PRIM2: variants seen among roughly 807,000 people sequenced by gnomAD.
PRIM2 encodes DNA primase subunit 2.
Under a neutral mutation model 67.3 loss-of-function variants are expected in PRIM2, and 39 were observed. That is an observed-to-expected ratio of 0.58 (90% CI 0.45 to 0.76). The LOEUF (loss-of-function observed/expected upper bound fraction) is 0.76, where lower values mean the gene tolerates loss of function less well. PRIM2 is among the 30% of genes least tolerant of loss of function. The probability of loss-of-function intolerance (pLI) is 0.00; values close to 1 mark genes in which losing one functional copy is unlikely to be tolerated. For missense variants in PRIM2, 398 were observed against 598.7 expected (o/e 0.66, Z 3.50); for synonymous variants, 143 against 198.7 (o/e 0.72, Z 2.36).
At chr6:57,462,354 G>T (rs910482897) in intron 7 of PRIM2, among the ~76,000 whole-genome samples, 2 of 149,854 alleles carry the variant, frequency 1.3e-5, no homozygotes, top group African/African-American at 5.1e-5. Context: ...TTTGAATATG[G>T]TTTTGGATTT....
intron 8 of PRIM2, among the ~76,000 whole-genome samples, chr6:57,517,089 C>T (rs1162651757): frequency 2.0e-5 from 3 of 152,128 alleles, no homozygotes; most frequent in Admixed American, 6.6e-5. Flanking sequence ...TGTATGTATG[C>T]AGTAAGTCAG....
At chr6:57,562,019 G>A (rs1775642435) in intron 10 of PRIM2, among the ~76,000 whole-genome samples, 1 of 152,078 alleles carries the variant, frequency 6.6e-6, no homozygotes, top group South Asian at 2.1e-4. Context: ...TGAGGAGAGG[G>A]AGAGAGACAG....
chr6:57,592,899 T>A (rs1776305989), intron 10 of PRIM2, among the ~76,000 whole-genome samples: 1 of 152,190 alleles, frequency 6.6e-6, no homozygotes, highest in African/African-American at 2.4e-5. Context: ...AGCAAAGAGA[T>A]GTTTATACCA....
intron 10 of PRIM2, among the ~76,000 whole-genome samples, chr6:57,570,259 G>A (rs1775836889): frequency 6.6e-6 from 1 of 152,154 alleles, no homozygotes; most frequent in Non-Finnish European, 1.5e-5. Flanking sequence ...TCTCTTTATT[G>A]TGCTGTTTTA....
At chr6:57,363,122 G>A (rs987178341) in intron 5 of PRIM2, among the ~76,000 whole-genome samples, 23 of 152,088 alleles carry the variant, frequency 1.5e-4, no homozygotes, top group African/African-American at 5.5e-4. Flanking sequence ...CTACATTTGG[G>A]TAAAAGTGAA....
At chr6:57,635,293 AT>A (rs1343411144) in intron 13 of PRIM2, among the ~76,000 whole-genome samples, 2 of 152,184 alleles carry the variant, frequency 1.3e-5, no homozygotes, top group Non-Finnish European at 2.9e-5. Flanking sequence ...TGGCAGAAAT[AT>A]GAGACCCATG....
the PRIM2 span, among the ~76,000 whole-genome samples, chr6:57,290,021 G>C: frequency 2.4e-3 from 359 of 151,562 alleles, 1 homozygote; most frequent in African/African-American, 7.2e-3. Flanking sequence ...AAACTAAATT[G>C]TCAAGACCCA....
the PRIM2 span, among the ~76,000 whole-genome samples, chr6:57,254,760 A>G: frequency 6.6e-6 from 1 of 152,202 alleles, no homozygotes; most frequent in Non-Finnish European, 1.5e-5. Context: ...ATGATTTAGC[A>G]GGAGACAAGA....
intron 5 of PRIM2, among the ~76,000 whole-genome samples, chr6:57,361,195 T>C (rs1423555317): frequency 6.6e-6 from 1 of 152,180 alleles, no homozygotes; most frequent in Admixed American, 6.5e-5. Flanking sequence ...TGCAGAAGAA[T>C]GGCCCTTTGG....
chr6:57,417,999 A>G (rs1771326711), intron 7 of PRIM2, among the ~76,000 whole-genome samples: 1 of 152,228 alleles, frequency 6.6e-6, no homozygotes, highest in Non-Finnish European at 1.5e-5. Context: ...TTATTTTAAC[A>G]GGAATATATC....
In PRIM2 at chr6:57,366,486, G is replaced by T. The variant is rs1055769112; in HGVS notation, c.460-13415G>T. ...TGTGTGAGGGTAGGGGTGATGCGTT[G>T]CTTGTGAATTGTGCTGTGATCGTGG... On this transcript the variant is annotated intron_variant, in intron 5 of 13. Coordinates refer to ENST00000615550, the MANE Select transcript of PRIM2 (RefSeq NM_000947.5). 2.0e-5 allele frequency among the ~76,000 whole-genome samples: 3 copies of T among 152,104 alleles called. No individual in the cohort carries two copies. In the South Asian group the frequency reaches 6.2e-4, roughly 32 times the overall value.
intron 7 of PRIM2, among the ~76,000 whole-genome samples, chr6:57,424,149 A>G (rs1771549436): frequency 6.6e-6 from 1 of 152,200 alleles, no homozygotes. Flanking sequence ...TAATTTAAAC[A>G]TCAGGCACTC....
At chr6:57,519,415 A>T (rs1774562928) in intron 8 of PRIM2, among the ~76,000 whole-genome samples, 1 of 152,236 alleles carries the variant, frequency 6.6e-6, no homozygotes, top group Non-Finnish European at 1.5e-5. Context: ...GGGGCCGTTC[A>T]TAGGCCTACC....
At chr6:57,540,707 T>C (rs1775130414) in intron 10 of PRIM2, among the ~76,000 whole-genome samples, 1 of 152,200 alleles carries the variant, frequency 6.6e-6, no homozygotes, top group African/African-American at 2.4e-5. Flanking sequence ...CACACAAATG[T>C]ACAGACCATA....
the PRIM2 span, among the ~76,000 whole-genome samples, chr6:57,237,290 A>T: frequency 6.6e-6 from 1 of 152,000 alleles, no homozygotes; most frequent in African/African-American, 2.4e-5. Context: ...AATTTGTTTG[A>T]GTTCATTGTA....
chr6:57,418,383 G>GGTTTTTTTTTTTTTTTTTT lies in PRIM2; in HGVS notation c.693+36215_693+36216insGTTTTTTTTTTTTTTTTTT, dbSNP rs1554336216. On this transcript the variant is annotated intron_variant, in intron 7 of 13. Coordinates refer to ENST00000615550, the MANE Select transcript of PRIM2 (RefSeq NM_000947.5). ...TAAGGTAATGTTTCCTATGTGTGTG[G>GGTTTTTTTTTTTTTTTTTT]TTTTTTTTTTTTTTTTTTTTTTTTT... Among the ~76,000 whole-genome samples the GGTTTTTTTTTTTTTTTTTT allele has an allele frequency of 2.1e-4, 10 of 47,230 alleles. 2 individuals are homozygous for GGTTTTTTTTTTTTTTTTTT. Among genetic ancestry groups the GGTTTTTTTTTTTTTTTTTT allele is most frequent in the South Asian group, 1.0e-3 (1 of 1,000 alleles). The allele number at this position is 47,230 out of a possible 152,430, so 31.0% of individuals were successfully genotyped here.
At chr6:57,343,694 G>C (rs1040939812) in intron 5 of PRIM2, among the ~76,000 whole-genome samples, 12 of 152,188 alleles carry the variant, frequency 7.9e-5, no homozygotes, top group African/African-American at 2.4e-4. Flanking sequence ...AACACTCTTA[G>C]TGGAAATTAC....
intron 4 of PRIM2, 33 bp from the exon 5 acceptor site, chr6:57,325,892 A>G: frequency 6.5e-7 from 1 of 1,540,160 alleles, no homozygotes. Flanking sequence ...CTGGATTTTT[A>G]GTTTGTACTC....
chr6:57,511,335 G>A, intron 8 of PRIM2, among the ~76,000 whole-genome samples: 1 of 152,122 alleles, frequency 6.6e-6, no homozygotes, highest in Non-Finnish European at 1.5e-5. Flanking sequence ...CATTAGTATT[G>A]TCCATTCACT....
Sources: gnomAD v4.1 joint callset for allele counts (sites outside exome capture counted in the v4.1 genomes callset) on GRCh38, gnomAD v4.1.1 for gene constraint, MANE v1.5 for transcripts, NCBI Gene and HGNC (gene_info 2026-07-23, HGNC 2026-07-21) for gene names.